SEMA3F: variants seen among roughly 807,000 people sequenced by gnomAD.
The protein encoded by SEMA3F is semaphorin-3F.
SEMA3F carries 30 observed loss-of-function variants against 98.5 expected under a neutral mutation model. The observed-to-expected ratio is 0.30, with a 90% CI of 0.23 to 0.41. The LOEUF is 0.41. SEMA3F is among the 10% of genes least tolerant of loss of function. The pLI is 1.00. For missense variants in SEMA3F, 866 were observed against 1,119.3 expected (o/e 0.77, Z 3.23); for synonymous variants, 380 against 444.8 (o/e 0.85, Z 1.83).
chr3:50,181,249 G>A (rs75908859), intron 7 of SEMA3F, among the ~76,000 whole-genome samples: 4,411 of 151,968 alleles, frequency 0.029, 197 homozygotes, highest in African/African-American at 0.1. Context: ...GTGTGCATAT[G>A]CTTCCTAATT....
At chr3:50,160,318 G>A (rs1698157423) in intron 2 of SEMA3F, among the ~76,000 whole-genome samples, 1 of 152,170 alleles carries the variant, frequency 6.6e-6, no homozygotes, top group Non-Finnish European at 1.5e-5. Flanking sequence ...GGCAGAGCAC[G>A]TGCTGCTGTG....
Position 50,188,178 on chromosome 3 carries a change from T to TATAA in SEMA3F, c.*66_*67insAATA. 1 of 412,762 alleles carries TATAA rather than the reference T, an allele frequency of 2.4e-6. No individual in the cohort carries two copies. Among genetic ancestry groups the TATAA allele is most frequent in the South Asian group, 1.1e-4 (1 of 8,792 alleles). The allele number at this position is 412,762 out of a possible 1,614,324, so 25.6% of individuals were successfully genotyped here. On this transcript the variant is annotated 3_prime_UTR_variant, in exon 19 of 19. Transcript: ENST00000002829. This position sits in a 1 kb window ranked among gnomAD's most constrained non-coding sequence, Gnocchi z 4.5. Reference sequence around the variant, plus strand: ...CTTGTCCCTTTTAATATAAAAGATATATATATATATATATATATATAAAAT... The same window carrying TATAA: ...CTTGTCCCTTTTAATATAAAAGATATATAAATATATATATATATATATATAAAAT...
At chr3:50,177,282 G>A (rs913681372) in intron 7 of SEMA3F, among the ~76,000 whole-genome samples, 4 of 152,244 alleles carry the variant, frequency 2.6e-5, no homozygotes, top group African/African-American at 9.6e-5. Flanking sequence ...GACCAATGGA[G>A]AGTTCCGGCC....
At chr3:50,159,329 G>C in intron 1 of SEMA3F, 1 of 366,386 alleles carries the variant, frequency 2.7e-6, no homozygotes, top group Non-Finnish European at 4.8e-6. Flanking sequence ...CATGCCATGA[G>C]GGGTAGGGTT....
intron 2 of SEMA3F, among the ~76,000 whole-genome samples, chr3:50,168,815 T>C (rs984661341): frequency 2.6e-5 from 4 of 152,176 alleles, no homozygotes; most frequent in Non-Finnish European, 4.4e-5. Context: ...TACTATAGCC[T>C]TGGCTACCTC....
intron 7 of SEMA3F, among the ~76,000 whole-genome samples, chr3:50,181,146 G>C (rs1699001738): frequency 6.6e-6 from 1 of 151,762 alleles, no homozygotes; most frequent in Non-Finnish European, 1.5e-5. Context: ...TTGAAAAAAT[G>C]GTGCTAACAG....
intron 2 of SEMA3F, among the ~76,000 whole-genome samples, chr3:50,160,380 A>G (rs1698159228): frequency 6.6e-6 from 1 of 152,116 alleles, no homozygotes; most frequent in Non-Finnish European, 1.5e-5. Context: ...AGTCACTGGG[A>G]GGTTTCAGTG....
chr3:50,175,078 T>G lies in SEMA3F; in HGVS notation c.457-18T>G. 4 of 1,381,588 alleles carry G rather than the reference T, an allele frequency of 2.9e-6. No individual in the cohort carries two copies. Among genetic ancestry groups the G allele is most frequent in the Non-Finnish European group, 4.0e-6 (4 of 1,004,010 alleles). The allele number at this position is 1,381,588 out of a possible 1,614,324, so 85.6% of individuals were successfully genotyped here. A position where few individuals can be genotyped will look rare whatever the true frequency, so the allele number is the denominator to read the frequency against. ...CCCTGCCACCCCCAGCTCTAACCCC[T>G]GTTCCTCGTCTTCTCAGGCCACACC... is the stretch of plus-strand genomic sequence containing the variant. On this transcript the variant is annotated intron_variant, in intron 5 of 18. Transcript: ENST00000002829.
chr3:50,156,166 G>A lies in SEMA3F; in HGVS notation c.-49+602G>A, dbSNP rs1697972361. ...TACAGCAGAGTCCTGCCTGGATTAGGGGCACGGCTGTATGTAGTGTGTAGG... is the reference window on the plus strand; with the variant it reads ...TACAGCAGAGTCCTGCCTGGATTAGAGGCACGGCTGTATGTAGTGTGTAGG... On this transcript the variant is annotated intron_variant, in intron 1 of 18. Transcript: ENST00000002829. This position sits in a 1 kb window ranked among gnomAD's most constrained non-coding sequence, Gnocchi z 4.5. The A allele has an allele frequency of 6.6e-6, 1 of 152,372 alleles. No individual in the cohort carries two copies. Among genetic ancestry groups the A allele is most frequent in the Non-Finnish European group, 1.5e-5 (1 of 68,154 alleles). The allele number at this position is 152,372 out of a possible 1,614,324, so 9.4% of individuals were successfully genotyped here. A position where few individuals can be genotyped will look rare whatever the true frequency, so the allele number is the denominator to read the frequency against.
intron 12 of SEMA3F, 161 bp downstream of exon 12, chr3:50,183,725 C>T (rs1699103765): frequency 1.3e-6 from 1 of 748,470 alleles, no homozygotes; most frequent in Non-Finnish European, 2.1e-6. Context: ...CAGTGTCAAG[C>T]TGTGGAGGAG....
chr3:50,183,646 C>A, intron 12 of SEMA3F, 82 bp downstream of exon 12: 2 of 1,462,998 alleles, frequency 1.4e-6, no homozygotes, highest in South Asian at 1.2e-5. Context: ...ACATGGGCCC[C>A]ACCATCATGG....
Position 50,183,215 on chromosome 3 carries a change from G to A in SEMA3F, c.1048G>A (p.Val350Met), listed in dbSNP as rs371518982. ...CGTGTTTGTCCAGCAGACCCAGGAC[G>A]TGAGGAACCCTGTCATTTACGCTGT... The part of the protein sequence containing the change: ...QDVFVQQTQD[V>M]RNPVIYAVFT... Residue 350 changes from valine to methionine, a missense_variant, in exon 11 of 19, where the codon GTG becomes ATG. Val to Met is a conservative substitution (Grantham distance 21, BLOSUM62 1). Transcript: ENST00000002829. 6.8e-6 allele frequency: 11 copies of A among 1,614,058 alleles called. No individual in the cohort carries two copies. In the African/African-American group the frequency reaches 8.0e-5, roughly 12 times the overall value.
intron 5 of SEMA3F, among the ~76,000 whole-genome samples, chr3:50,174,678 C>T (rs1291832867): frequency 6.6e-6 from 1 of 152,236 alleles, no homozygotes; most frequent in Admixed American, 6.5e-5. Flanking sequence ...GACGGCCGAG[C>T]CAGAGGGCCT....
chr3:50,182,493 C>T lies in SEMA3F; in HGVS notation c.763+90C>T. On this transcript the variant is annotated intron_variant, in intron 8 of 18. Transcript: ENST00000002829. This position sits in a 1 kb window ranked among gnomAD's most constrained non-coding sequence, Gnocchi z 4.5. ...GAAGCACATGTGGGGGAAGTGGGGA[C>T]ATGTTTAGCCTATGACTACCTGGGG... The T allele has an allele frequency of 6.3e-7, 1 of 1,590,928 alleles. No homozygotes were observed. Among genetic ancestry groups the T allele is most frequent in the South Asian group, 1.1e-5 (1 of 90,168 alleles).
intron 7 of SEMA3F, among the ~76,000 whole-genome samples, chr3:50,181,456 G>A (rs1216163618): frequency 7.2e-5 from 11 of 151,726 alleles, no homozygotes; most frequent in Admixed American, 7.2e-4. Flanking sequence ...TGAGTAGCTG[G>A]GACTACATGC....
chr3:50,181,205 A>G (rs904247871), intron 7 of SEMA3F, among the ~76,000 whole-genome samples: 1 of 152,158 alleles, frequency 6.6e-6, no homozygotes, highest in African/African-American at 2.4e-5. Flanking sequence ...TAAAAAATGC[A>G]GTATTTGCAG....
chr3:50,164,991 G>A (rs1195491995), intron 2 of SEMA3F, among the ~76,000 whole-genome samples: 2 of 152,252 alleles, frequency 1.3e-5, no homozygotes, highest in Non-Finnish European at 2.9e-5. Flanking sequence ...CCAGGGGCAT[G>A]CCCCAAGGAG....
In SEMA3F at chr3:50,185,650, C is replaced by A. The variant is rs1317006222; in HGVS notation, c.1546-16C>A. 6.2e-7 allele frequency: 1 copy of A among 1,614,108 alleles called. No homozygotes were observed. Among genetic ancestry groups the A allele is most frequent in the Non-Finnish European group, 8.5e-7 (1 of 1,179,984 alleles). ...GGGGTCCCTGGCATCCCAAGCTGAT[C>A]TTTATCTTTTTCTAGGATCCAGCAC... On this transcript the variant is annotated splice_polypyrimidine_tract_variant and intron_variant, in intron 14 of 18. Coordinates refer to ENST00000002829, the MANE Select transcript of SEMA3F (RefSeq NM_004186.5).
chr3:50,176,740 C>T (rs373596067), intron 6 of SEMA3F, 28 bp from the exon 7 acceptor site: 33 of 1,533,508 alleles, frequency 2.2e-5, no homozygotes, highest in South Asian at 7.8e-5. Context: ...CTGGCCTGGA[C>T]GATGCTGAGC....
Sources: gnomAD v4.1 joint callset for allele counts (sites outside exome capture counted in the v4.1 genomes callset) on GRCh38, gnomAD v4.1.1 for gene constraint, Gnocchi (gnomAD v3.1) non-coding constraint, MANE v1.5 for transcripts, NCBI Gene and HGNC (gene_info 2026-07-23, HGNC 2026-07-21) for gene names.